The following TNIK variants were observed in gnomAD, a reference collection of about 807,000 sequenced individuals.
TNIK encodes TRAF2 and NCK-interacting protein kinase.
Under a neutral mutation model 191.3 loss-of-function variants are expected in TNIK, and 49 were observed. That is an observed-to-expected ratio of 0.26 (90% CI 0.20 to 0.32). The LOEUF is 0.32. Among genes scored for constraint, TNIK ranks in the 10% least tolerant of loss-of-function variants. TNIK has a pLI of 1.00. For synonymous variants in TNIK, 594 were observed against 600.9 expected (o/e 0.99, Z 0.17); for missense variants, 1,155 against 1,702.3 (o/e 0.68, Z 5.66).
In TNIK at chr3:171,140,321, A is replaced by G. The variant is rs1377207853; in HGVS notation, c.1332+78T>C. ...ATGTAAACTGAGCATTCCTCAGAAA[A>G]GGTGACCCACACCCCAGAGAAGGCT... On this transcript the variant is annotated intron_variant, in intron 13 of 32. Transcript: ENST00000436636. 6 of 1,189,732 alleles carry G rather than the reference A, an allele frequency of 5.0e-6. No individual in the cohort carries two copies. The East Asian group carries it at 1.5e-4, about 30-fold the overall frequency. The allele number at this position is 1,189,732 out of a possible 1,614,324, so 73.7% of individuals were successfully genotyped here.
intron 2 of TNIK, among the ~76,000 whole-genome samples, chr3:171,341,704 G>A (rs1326187705): frequency 2.0e-5 from 3 of 152,026 alleles, no homozygotes; most frequent in Admixed American, 6.5e-5. Context: ...CCTGTATCAG[G>A]CACTGGTCTA....
chr3:171,129,728 G>T (rs532492017), intron 15 of TNIK, among the ~76,000 whole-genome samples: 1 of 152,160 alleles, frequency 6.6e-6, no homozygotes, highest in Non-Finnish European at 1.5e-5. Context: ...AGGGCTTCAC[G>T]GGAAATGCTG....
chr3:171,161,463 C>A, intron 10 of TNIK, 127 bp from the exon 11 acceptor site: 1 of 688,326 alleles, frequency 1.5e-6, no homozygotes, highest in South Asian at 3.5e-5. Context: ...CTGGAACGGT[C>A]TCCAGGCTTG....
chr3:171,347,391 TCACACACACACA>T (rs150384769), intron 2 of TNIK, among the ~76,000 whole-genome samples: 13 of 146,070 alleles, frequency 8.9e-5, no homozygotes, highest in African/African-American at 3.1e-4. Flanking sequence ...GAAGTGCCTA[TCACACACACACA>T]CACACACACA....
intron 2 of TNIK, among the ~76,000 whole-genome samples, chr3:171,231,046 A>C (rs1409654992): frequency 1.3e-5 from 2 of 152,228 alleles, no homozygotes; most frequent in Admixed American, 1.3e-4. Context: ...TTAAGTCCTT[A>C]AGAAGCAGGA....
Position 171,460,296 on chromosome 3 carries a change from C to G in TNIK, c.-233G>C, listed in dbSNP as rs1729329381. 2 of 593,764 alleles carry G rather than the reference C, an allele frequency of 3.4e-6. No individual in the cohort carries two copies. The highest frequency in any genetic ancestry group is 5.8e-5 in the East Asian group (2 of 34,668). The allele number at this position is 593,764 out of a possible 1,614,324, so 36.8% of individuals were successfully genotyped here. A position where few individuals can be genotyped will look rare whatever the true frequency, so the allele number is the denominator to read the frequency against. ...GATCTCCAAGCCCCGAGCAGCGGTGCGTGTGGGCTGAGCGCCCCGATCGGC... is the reference window on the plus strand; with the variant it reads ...GATCTCCAAGCCCCGAGCAGCGGTGGGTGTGGGCTGAGCGCCCCGATCGGC... On this transcript the variant is annotated 5_prime_UTR_variant, in exon 1 of 33. Transcript: ENST00000436636. The surrounding 1 kb of genome is among the most constrained non-coding windows in gnomAD (Gnocchi z 6.8).
intron 1 of TNIK, among the ~76,000 whole-genome samples, chr3:171,397,241 G>A (rs1177522676): frequency 6.6e-6 from 1 of 152,176 alleles, no homozygotes; most frequent in Non-Finnish European, 1.5e-5. Context: ...CTCAACACTT[G>A]TCTTGTTTTC....
chr3:171,278,437 G>C (rs775037940), intron 2 of TNIK, among the ~76,000 whole-genome samples: 1 of 152,080 alleles, frequency 6.6e-6, no homozygotes, highest in Admixed American at 6.5e-5. Context: ...CAAAGACTCA[G>C]CAGCTGGGCA....
At chr3:171,359,323 A>T (rs780256672) in intron 2 of TNIK, among the ~76,000 whole-genome samples, 1 of 152,220 alleles carries the variant, frequency 6.6e-6, no homozygotes, top group Non-Finnish European at 1.5e-5. Context: ...CCTTCTCCTT[A>T]AAGGAGACTG....
chr3:171,454,448 T>C (rs1728571279), intron 1 of TNIK, among the ~76,000 whole-genome samples: 1 of 152,166 alleles, frequency 6.6e-6, no homozygotes, highest in South Asian at 2.1e-4. Context: ...TACTCTCTCA[T>C]CAACAAAATA....
At chr3:171,250,761 A>G (rs1746133904) in intron 2 of TNIK, among the ~76,000 whole-genome samples, 1 of 152,244 alleles carries the variant, frequency 6.6e-6, no homozygotes, top group South Asian at 2.1e-4. Context: ...AAGAACTAAA[A>G]TAGCTAATGT....
chr3:171,075,776 G>T (rs1466177495), intron 28 of TNIK, among the ~76,000 whole-genome samples: 1 of 143,116 alleles, frequency 7.0e-6, no homozygotes, highest in East Asian at 2.1e-4. Context: ...TCGTACTGTT[G>T]CCCAGGCTGG....
At chr3:171,381,132 T>C (rs1717972985) in intron 1 of TNIK, among the ~76,000 whole-genome samples, 1 of 152,196 alleles carries the variant, frequency 6.6e-6, no homozygotes, top group East Asian at 1.9e-4. Context: ...GCTTGCTTAT[T>C]AGTTTTGCAA....
chr3:171,370,453 C>T (rs544379872), intron 1 of TNIK, among the ~76,000 whole-genome samples: 12 of 152,254 alleles, frequency 7.9e-5, no homozygotes, highest in African/African-American at 2.9e-4. Flanking sequence ...ATTACTATCC[C>T]AAAAAGTTGA....
At chr3:171,223,542 G>A (rs1367533572) in intron 3 of TNIK, among the ~76,000 whole-genome samples, 7 of 152,076 alleles carry the variant, frequency 4.6e-5, no homozygotes, top group Non-Finnish European at 1.0e-4. Context: ...AGACTTAAAG[G>A]ATGGGGTTAC....
At chr3:171,154,894 G>C (rs1211845878) in intron 12 of TNIK, among the ~76,000 whole-genome samples, 1 of 152,184 alleles carries the variant, frequency 6.6e-6, no homozygotes, top group South Asian at 2.1e-4. Context: ...TCATAAAGCT[G>C]ATCAGTGACA....
At chr3:171,233,622 A>G (rs1419816620) in intron 2 of TNIK, among the ~76,000 whole-genome samples, 2 of 152,212 alleles carry the variant, frequency 1.3e-5, no homozygotes, top group Non-Finnish European at 2.9e-5. Flanking sequence ...AAGGTGAAGG[A>G]TGATGGCCAC....
chr3:171,125,207 G>C (rs1178137746), intron 17 of TNIK, among the ~76,000 whole-genome samples: 3 of 152,182 alleles, frequency 2.0e-5, no homozygotes. Flanking sequence ...TGCAAAAAAT[G>C]TCTCTAGTAT....
At chr3:171,457,315 G>A (rs1016475486) in intron 1 of TNIK, among the ~76,000 whole-genome samples, 3 of 152,216 alleles carry the variant, frequency 2.0e-5, no homozygotes, top group African/African-American at 4.8e-5. Flanking sequence ...AGCCCCCAAA[G>A]TGAGAAGGAT....
Sources: gnomAD v4.1 joint callset for allele counts (sites outside exome capture counted in the v4.1 genomes callset) on GRCh38, gnomAD v4.1.1 for gene constraint, Gnocchi (gnomAD v3.1) non-coding constraint, MANE v1.5 for transcripts, NCBI Gene and HGNC (gene_info 2026-07-23, HGNC 2026-07-21) for gene names.